The following ZNF333 variants were observed in gnomAD, a reference collection of about 807,000 sequenced individuals.
ZNF333 encodes the protein zinc finger protein 333.
Under a neutral mutation model 76.1 loss-of-function variants are expected in ZNF333, and 61 were observed. The ratio of observed to expected loss-of-function variants is 0.80; its 90% CI spans 0.65 to 0.99. The LOEUF is 0.99. Ranked by LOEUF, ZNF333 falls within the 50% of genes least tolerant of loss-of-function variation. The probability of loss-of-function intolerance (pLI) is 0.00; values close to 1 mark genes in which losing one functional copy is unlikely to be tolerated. For synonymous variants in ZNF333, 284 were observed against 305.0 expected, an observed-to-expected ratio of 0.93 and a Z score of 0.72; for missense variants, 717 against 822.4, an observed-to-expected ratio of 0.87 and a Z score of 1.57.
chr19:14,706,573 T>C (rs1201829872), intron 6 of ZNF333, 113 bp from the exon 7 acceptor site: 3 of 818,514 alleles, frequency 3.7e-6, no homozygotes, highest in East Asian at 4.9e-5. Flanking sequence ...TCTTCTTTTA[T>C]TAATATGTTC....
At chr19:14,692,824 C>CT (rs112233179) in intron 1 of ZNF333, among the ~76,000 whole-genome samples, 63,235 of 143,948 alleles carry the variant, frequency 0.44, 14,944 homozygotes, top group East Asian at 0.71. Flanking sequence ...GGACCTTATT[C>CT]TTTTTTTTTT....
At chr19:14,694,475 A>C (rs1973020739) in intron 2 of ZNF333, among the ~76,000 whole-genome samples, 1 of 128,188 alleles carries the variant, frequency 7.8e-6, no homozygotes, top group African/African-American at 3.0e-5. Flanking sequence ...TGTCTCAAAA[A>C]AAAAAAAGAA....
At chr19:14,703,066 T>C (rs1212144884) in intron 5 of ZNF333, among the ~76,000 whole-genome samples, 3 of 151,596 alleles carry the variant, frequency 2.0e-5, no homozygotes. Context: ...TAGCCGGGCG[T>C]GGTGGCGGGC....
Position 14,720,646 on chromosome 19 carries a change from A to C in ZNF333, c.*1321A>C. 1 of 985,466 alleles carries C rather than the reference A, an allele frequency of 1.0e-6. No individual in the cohort carries two copies. Among genetic ancestry groups the C allele is most frequent in the Non-Finnish European group, 1.2e-6 (1 of 829,942 alleles). The allele number at this position is 985,466 out of a possible 1,614,324, so 61.0% of individuals were successfully genotyped here. On this transcript the variant is annotated 3_prime_UTR_variant, in exon 12 of 12. Coordinates refer to ENST00000292530, the MANE Select transcript of ZNF333 (RefSeq NM_032433.4). The stretch of plus-strand genomic sequence containing the variant: ...GGTGGGAGGTTTATTTCACCTGAAT[A>C]TAATTCCTAACTGATGCACTTAGTA...
intron 6 of ZNF333, 100 bp downstream of exon 6, chr19:14,705,270 T>A: frequency 1.1e-6 from 1 of 929,612 alleles, no homozygotes; most frequent in Non-Finnish European, 1.6e-6. Flanking sequence ...GAAAGGAGGG[T>A]GTTTGGGGCC....
chr19:14,727,951 G>A lies in ZNF333; in HGVS notation c.901-3224G>A, dbSNP rs7254950. Among the ~76,000 whole-genome samples, 810 of 152,262 alleles carry A rather than the reference G, an allele frequency of 5.3e-3. 7 individuals carry two copies. The highest frequency in any genetic ancestry group is 0.018 in the African/African-American group (757 of 41,554). Reference sequence around the variant, plus strand: ...CTTAAAAATATATTTGGCCAGGTGCGGTGGCTCACGCCTGTAATCCCAGCA... The same window carrying A: ...CTTAAAAATATATTTGGCCAGGTGCAGTGGCTCACGCCTGTAATCCCAGCA... On this transcript the variant is annotated intron_variant, in intron 11 of 11. Transcript: ENST00000540689.
At chr19:14,728,608 C>G (rs2042648420) in intron 11 of ZNF333, among the ~76,000 whole-genome samples, 1 of 152,210 alleles carries the variant, frequency 6.6e-6, no homozygotes, top group Non-Finnish European at 1.5e-5. Flanking sequence ...CTGCATCAAA[C>G]TTTCTCTAGA....
At position 14,721,065 on chromosome 19, in the gene ZNF333, T is replaced by A; in HGVS notation, c.*1740T>A. 1.5e-6 allele frequency: 1 copy of A among 673,398 alleles called. No individual in the cohort carries two copies. Among genetic ancestry groups the A allele is most frequent in the Non-Finnish European group, 1.8e-6 (1 of 545,294 alleles). The allele number at this position is 673,398 out of a possible 1,614,324, so 41.7% of individuals were successfully genotyped here. On this transcript the variant is annotated 3_prime_UTR_variant, in exon 12 of 12. Transcript: ENST00000292530. ...TAAATACTTATTTAGAGTTTACTAT[T>A]AATAGATAGTAGCCACTGCCTGAAG...
At chr19:14,717,881 G>A (rs954512925) in intron 11 of ZNF333, 148 bp downstream of exon 11, 154 of 748,868 alleles carry the variant, frequency 2.1e-4, no homozygotes, top group Non-Finnish European at 3.2e-4. Flanking sequence ...GAGAGAGTCC[G>A]TGAATGTCAT....
chr19:14,722,456 A>G (rs111465285), downstream of ZNF333, among the ~76,000 whole-genome samples: 760 of 152,268 alleles, frequency 5.0e-3, 5 homozygotes, highest in African/African-American at 0.017. Context: ...TTTTTAAATT[A>G]GTTTTTTGTT....
intron 7 of ZNF333, among the ~76,000 whole-genome samples, chr19:14,714,481 C>G (rs536283465): frequency 1.3e-5 from 2 of 152,182 alleles, no homozygotes; most frequent in Admixed American, 1.3e-4. Flanking sequence ...CTTCTCAGAG[C>G]GTCAGAGGAG....
rs187997885 is a variant in ZNF333, at chr19:14,711,890, C to T, written c.512-3492C>T. Among the ~76,000 whole-genome samples the T allele has an allele frequency of 2.8e-3, 427 of 151,798 alleles. 1 individual carries two copies. The highest frequency in any genetic ancestry group is 9.9e-3 in the African/African-American group (410 of 41,364). On this transcript the variant is annotated intron_variant, in intron 7 of 11. Coordinates refer to ENST00000292530, the MANE Select transcript of ZNF333 (RefSeq NM_032433.4). ...GCTGGTTACAGATGGGTAAGGGCTG[C>T]GAAGAAAGGGAAGGGGTCCTATCAG...
At chr19:14,705,974 T>C (rs2146981319) in intron 6 of ZNF333, 1 of 399,074 alleles carries the variant, frequency 2.5e-6, no homozygotes, top group East Asian at 7.2e-5. Flanking sequence ...AAAAGGCCTC[T>C]TCCCACTCGT....
intron 7 of ZNF333, among the ~76,000 whole-genome samples, chr19:14,712,075 T>C (rs1195085198): frequency 6.6e-6 from 1 of 152,092 alleles, no homozygotes; most frequent in Admixed American, 6.5e-5. Context: ...TACCGCCATG[T>C]AGAGACGTCA....
chr19:14,730,861 C>T (rs987563011), intron 11 of ZNF333, among the ~76,000 whole-genome samples: 1 of 151,742 alleles, frequency 6.6e-6, no homozygotes, highest in Non-Finnish European at 1.5e-5. Flanking sequence ...TCTTTATGTT[C>T]ACGTGTACCC....
chr19:14,704,810 G>A (rs1437543193), intron 5 of ZNF333, among the ~76,000 whole-genome samples: 2 of 152,192 alleles, frequency 1.3e-5, no homozygotes, highest in Non-Finnish European at 2.9e-5. Flanking sequence ...ATTTTGATGG[G>A]GACAGAGCCA....
At chr19:14,700,562 A>T (rs1973601413) in intron 5 of ZNF333, among the ~76,000 whole-genome samples, 1 of 152,170 alleles carries the variant, frequency 6.6e-6, no homozygotes, top group East Asian at 1.9e-4. Flanking sequence ...AAAGCCTTCC[A>T]TATGAGCTTG....
intron 5 of ZNF333, chr19:14,699,560 G>A (rs191692282): frequency 1.3e-5 from 4 of 319,110 alleles, no homozygotes; most frequent in East Asian, 6.3e-5. Context: ...TCCCAGGATC[G>A]AGTGATTTTC....
intron 7 of ZNF333, 64 bp from the exon 8 acceptor site, chr19:14,715,317 TG>T: frequency 6.8e-7 from 1 of 1,469,570 alleles, no homozygotes; most frequent in Non-Finnish European, 9.5e-7. Context: ...TGGGCAGACT[TG>T]GGGCCTGTGA....
Sources: allele counts gnomAD v4.1 joint callset (sites outside exome capture counted in the v4.1 genomes callset), GRCh38; gene constraint gnomAD v4.1.1; transcripts MANE v1.5; gene names NCBI Gene and HGNC (gene_info 2026-07-23, HGNC 2026-07-21).